Variants in XRRA1 observed in about 807,000 individuals in gnomAD.
XRRA1 encodes the protein X-ray radiation resistance-associated protein 1.
Under a neutral mutation model 80.2 loss-of-function variants are expected in XRRA1, and 69 were observed. That is an observed-to-expected ratio of 0.86 (90% CI 0.71 to 1.05). The LOEUF (loss-of-function observed/expected upper bound fraction) is 1.05, where lower values mean the gene tolerates loss of function less well. Ranked by LOEUF, XRRA1 falls within the 50% of genes least tolerant of loss-of-function variation. The pLI is 0.00. For synonymous variants in XRRA1, 348 were observed against 389.9 expected (o/e 0.89, Z 1.27); for missense variants, 967 against 976.4 (o/e 0.99, Z 0.13).
chr11:74,922,020 G>A (rs1940955322), intron 7 of XRRA1, among the ~76,000 whole-genome samples: 1 of 152,134 alleles, frequency 6.6e-6, no homozygotes, highest in African/African-American at 2.4e-5. Context: ...CACTTTGGGA[G>A]GCAGAGGTGG....
At chr11:74,885,263 C>T (rs2048739070) in intron 10 of XRRA1, among the ~76,000 whole-genome samples, 2 of 151,580 alleles carry the variant, frequency 1.3e-5, no homozygotes, top group Admixed American at 6.6e-5. Context: ...GACCCTGTCT[C>T]AAAGAAGAGA....
chr11:74,940,781 TGA>T lies in XRRA1; in HGVS notation c.94+2_94+3del, dbSNP rs1317411783. On this transcript the variant is annotated splice_donor_variant and splice_donor_region_variant and intron_variant, in intron 3 of 18. Coordinates refer to ENST00000684022, the MANE Select transcript of XRRA1 (RefSeq NM_001378157.1). LOFTEE classifies it high-confidence loss of function. ...AAAGGTAGCTATTTGAGAAGTCACCTGACCTTCCTCCGGCACGCGAAGCAGAT... is the reference window on the plus strand; with the variant it reads ...AAAGGTAGCTATTTGAGAAGTCACCTCCTTCCTCCGGCACGCGAAGCAGAT... 5 of 1,599,822 alleles carry T rather than the reference TGA, an allele frequency of 3.1e-6. No individual in the cohort carries two copies. The highest frequency in any genetic ancestry group is 4.3e-6 in the Non-Finnish European group (5 of 1,173,168).
At chr11:74,849,815 T>C (rs990485901) in intron 14 of XRRA1, among the ~76,000 whole-genome samples, 6 of 152,200 alleles carry the variant, frequency 3.9e-5, no homozygotes, top group Admixed American at 6.5e-5. Flanking sequence ...ACACAGCTTC[T>C]TGGTTACAGG....
At chr11:74,878,164 A>G (rs1345886967) in intron 10 of XRRA1, among the ~76,000 whole-genome samples, 23 of 151,366 alleles carry the variant, frequency 1.5e-4, no homozygotes, top group Admixed American at 1.3e-4. Context: ...TCTAACTGGT[A>G]TGAGATGGTA....
At chr11:74,843,523 T>C (rs1164749832) in intron 18 of XRRA1, 70 bp from the exon 19 acceptor site, 40 of 1,547,798 alleles carry the variant, frequency 2.6e-5, no homozygotes, top group Non-Finnish European at 3.5e-5. Flanking sequence ...GCAAGAGGAT[T>C]GGGTCCAGAG....
At chr11:74,881,478 T>C (rs1358967208) in intron 10 of XRRA1, among the ~76,000 whole-genome samples, 1 of 149,704 alleles carries the variant, frequency 6.7e-6, no homozygotes, top group Non-Finnish European at 1.5e-5. Flanking sequence ...AAGTTAATAT[T>C]GTTATGTGTG....
chr11:74,927,492 C>T lies in XRRA1; in HGVS notation c.425-4G>A. ...GCTGGAAACGTGTGAAATGCCTCTA[C>T]ATGGGGAAGAGAAAGAGAGAGTCTG... On this transcript the variant is annotated splice_region_variant and splice_polypyrimidine_tract_variant and intron_variant, in intron 6 of 18. Coordinates refer to ENST00000684022, the MANE Select transcript of XRRA1 (RefSeq NM_001378157.1). The T allele has an allele frequency of 6.3e-7, 1 of 1,594,956 alleles. No individual in the cohort carries two copies. Among genetic ancestry groups the T allele is most frequent in the Non-Finnish European group, 8.6e-7 (1 of 1,162,750 alleles).
At chr11:74,904,361 A>C (rs1384310451) in intron 10 of XRRA1, among the ~76,000 whole-genome samples, 1 of 152,134 alleles carries the variant, frequency 6.6e-6, no homozygotes, top group Non-Finnish European at 1.5e-5. Context: ...TGGGAGGCTG[A>C]GGCAGGAGGA....
At position 74,940,813 on chromosome 11, in the gene XRRA1, G is replaced by C; in HGVS notation, c.66C>G (p.Ala22=). The C allele has an allele frequency of 6.2e-7, 1 of 1,608,614 alleles. No homozygotes were observed. The highest frequency in any genetic ancestry group is 8.5e-7 in the Non-Finnish European group (1 of 1,177,684). ...GKPYLNNCFP[A]RNLLRVPEEG... ...CCTCCGGCACGCGAAGCAGATTTCT[G>C]GCTGGGAAGCAGTTGTTCAGGTAAG... Residue 22 remains alanine (A), a synonymous_variant, in exon 3 of 19, where the codon GCC becomes GCG. Coordinates refer to ENST00000684022, the MANE Select transcript of XRRA1 (RefSeq NM_001378157.1).
intron 5 of XRRA1, among the ~76,000 whole-genome samples, chr11:74,931,248 A>G (rs541920491): frequency 6.6e-6 from 1 of 151,704 alleles, no homozygotes; most frequent in Non-Finnish European, 1.5e-5. Flanking sequence ...TTCACTCAAC[A>G]CTGTTTTTGA....
chr11:74,848,740 C>T (rs1316986805), intron 14 of XRRA1, among the ~76,000 whole-genome samples: 1 of 152,150 alleles, frequency 6.6e-6, no homozygotes, highest in Non-Finnish European at 1.5e-5. Context: ...CTGTCCAAGT[C>T]CCAGAGTGAT....
At chr11:74,897,193 C>G (rs1486792566) in intron 10 of XRRA1, among the ~76,000 whole-genome samples, 2 of 151,840 alleles carry the variant, frequency 1.3e-5, no homozygotes, top group Non-Finnish European at 2.9e-5. Flanking sequence ...TAAAAAGAAT[C>G]AAGCAGAAAT....
chr11:74,855,642 G>A (rs748788976), intron 12 of XRRA1, among the ~76,000 whole-genome samples: 4 of 152,080 alleles, frequency 2.6e-5, no homozygotes, highest in African/African-American at 4.8e-5. Context: ...TCACATTTAG[G>A]AACTAAGTAT....
intron 7 of XRRA1, among the ~76,000 whole-genome samples, chr11:74,923,868 T>C (rs956992569): frequency 6.6e-6 from 1 of 152,016 alleles, no homozygotes; most frequent in Non-Finnish European, 1.5e-5. Flanking sequence ...TGAGACAGGG[T>C]CTCATTCTGT....
intron 2 of XRRA1, among the ~76,000 whole-genome samples, chr11:74,942,161 T>C (rs112021020): frequency 0.011 from 1,644 of 151,420 alleles, 33 homozygotes; most frequent in African/African-American, 0.036. Context: ...GAAAATAATT[T>C]TAGAGAAGTA....
At position 74,874,887 on chromosome 11, in the gene XRRA1, G is replaced by A. The variant is rs143007709; in HGVS notation, c.1004-11866C>T. Among the ~76,000 whole-genome samples, 165 of 152,332 alleles carry A rather than the reference G, an allele frequency of 1.1e-3. 1 individual carries two copies. In the South Asian group the frequency reaches 0.021, roughly 19 times the overall value. The stretch of plus-strand genomic sequence containing the variant: ...TGGAAGTTCCTTTGTGGAACAAGGA[G>A]TCTGTAAGGTGGGATATGCAATGTA... On this transcript the variant is annotated intron_variant, in intron 10 of 18. Coordinates refer to ENST00000684022, the MANE Select transcript of XRRA1 (RefSeq NM_001378157.1).
chr11:74,912,871 G>C (rs560251140), intron 8 of XRRA1, among the ~76,000 whole-genome samples: 1 of 152,308 alleles, frequency 6.6e-6, no homozygotes, highest in African/African-American at 2.4e-5. Context: ...GAACAACACA[G>C]ATATAGAACA....
At position 74,907,207 on chromosome 11, in the gene XRRA1, C is replaced by T. The variant is rs2054803192; in HGVS notation, c.723G>A (p.Leu241=). 3 of 1,613,902 alleles carry T rather than the reference C, an allele frequency of 1.9e-6. No individual in the cohort carries two copies. The highest frequency in any genetic ancestry group is 2.5e-6 in the Non-Finnish European group (3 of 1,179,888). Reference sequence around the variant, plus strand: ...TGGAGAGTCTGTTGTCATCCAGCATCAGTGTCTCCAGCGCTGGGAACCTCA... The same window carrying T: ...TGGAGAGTCTGTTGTCATCCAGCATTAGTGTCTCCAGCGCTGGGAACCTCA... The part of the protein sequence containing the change: ...YILRFPALET[L]MLDDNRLSNP... The change falls in exon 9 of 19, where the codon CTG becomes CTA. Residue 241 remains leucine, a synonymous_variant. Transcript: ENST00000684022.
rs989525723 is a variant in XRRA1, at chr11:74,841,246, G to A, written c.*1954C>T. The A allele has an allele frequency of 6.6e-6, 1 of 152,110 alleles. No homozygotes were observed. The highest frequency in any genetic ancestry group is 1.5e-5 in the Non-Finnish European group (1 of 68,032). The allele number at this position is 152,110 out of a possible 1,614,324, so 9.4% of individuals were successfully genotyped here. ...ACCCATAGAGTGGTCTTTTGAACTG[G>A]TATCTAAACATACCTGGTTATGAAT... On this transcript the variant is annotated 3_prime_UTR_variant, in exon 19 of 19. Transcript: ENST00000684022.
Sources: gnomAD v4.1 joint callset for allele counts (sites outside exome capture counted in the v4.1 genomes callset) on GRCh38, gnomAD v4.1.1 for gene constraint, MANE v1.5 for transcripts, NCBI Gene and HGNC (gene_info 2026-07-23, HGNC 2026-07-21) for gene names.